RIN2: variants seen among roughly 807,000 people sequenced by gnomAD.
RIN2 encodes RAB5 interacting protein 2.
RIN2 carries 36 observed loss-of-function variants against 78.0 expected under a neutral mutation model. The ratio of observed to expected loss-of-function variants is 0.46; its 90% CI spans 0.35 to 0.61. The LOEUF is 0.61. Among genes scored for constraint, RIN2 ranks in the 20% least tolerant of loss-of-function variants. The pLI is 0.00. For missense variants in RIN2, 1,087 were observed against 1,159.7 expected (o/e 0.94, Z 0.91); for synonymous variants, 466 against 466.8 (o/e 1.00, Z 0.02).
At chr20:19,810,055 G>T (rs2035538455) in intron 2 of RIN2, among the ~76,000 whole-genome samples, 1 of 151,960 alleles carries the variant, frequency 6.6e-6, no homozygotes. Context: ...TTTCCTGAGT[G>T]GCCCTTTGGC....
chr20:19,850,883 A>G (rs969479026), intron 2 of RIN2, among the ~76,000 whole-genome samples: 1 of 152,286 alleles, frequency 6.6e-6, no homozygotes, highest in South Asian at 2.1e-4. Flanking sequence ...CTGAGGCAGG[A>G]GAATTGCTTG....
intron 2 of RIN2, chr20:19,809,548 G>C (rs974608166): frequency 1.2e-4 from 18 of 152,674 alleles, no homozygotes; most frequent in Admixed American, 1.0e-3. Context: ...ATGTCCTGAG[G>C]GGGAGACTGG....
intron 1 of RIN2, among the ~76,000 whole-genome samples, chr20:19,787,017 G>A (rs969058378): frequency 1.3e-5 from 2 of 152,140 alleles, no homozygotes; most frequent in African/African-American, 4.8e-5. Context: ...AGGACATAGG[G>A]ACTAAAAATG....
At chr20:19,806,789 T>C (rs2035422144) in intron 2 of RIN2, among the ~76,000 whole-genome samples, 1 of 152,122 alleles carries the variant, frequency 6.6e-6, no homozygotes, top group Non-Finnish European at 1.5e-5. Flanking sequence ...TCCTAGCTAA[T>C]AGGCAAGCTA....
intron 2 of RIN2, among the ~76,000 whole-genome samples, chr20:19,831,340 G>C (rs1037968330): frequency 6.6e-6 from 1 of 152,214 alleles, no homozygotes; most frequent in African/African-American, 2.4e-5. Flanking sequence ...TTAGTGGGAA[G>C]TACAGACATC....
intron 2 of RIN2, among the ~76,000 whole-genome samples, chr20:19,887,026 C>T (rs568808586): frequency 6.1e-5 from 9 of 146,632 alleles, no homozygotes; most frequent in Admixed American, 2.7e-4. Context: ...CCCTGAAGAA[C>T]TTTTTTTTTT....
intron 4 of RIN2, among the ~76,000 whole-genome samples, chr20:19,939,073 C>T (rs539330211): frequency 3.5e-4 from 54 of 152,322 alleles, no homozygotes; most frequent in Non-Finnish European, 1.5e-4. Context: ...GACAGAATCT[C>T]GCTCTGTTGC....
chr20:19,902,423 G>A (rs768275139), intron 3 of RIN2, among the ~76,000 whole-genome samples: 12 of 152,160 alleles, frequency 7.9e-5, no homozygotes, highest in Admixed American at 1.3e-4. Context: ...GTCCCTCACC[G>A]CTGTCCTTTG....
intron 9 of RIN2, among the ~76,000 whole-genome samples, chr20:19,976,909 G>A (rs2146328972): frequency 6.6e-6 from 1 of 152,124 alleles, no homozygotes; most frequent in East Asian, 1.9e-4. Context: ...TTCTCACAAA[G>A]GAATCAAAGC....
At position 19,975,542 on chromosome 20, in the gene RIN2, C is replaced by A. The variant is rs756704126; in HGVS notation, c.1517C>A (p.Ser506Tyr). Residue 506 changes from serine (S) to tyrosine (Y), a missense_variant, in exon 9 of 13, where the codon TCC (serine) becomes TAC (tyrosine). Physicochemically the swap from Ser to Tyr is moderately radical, Grantham distance 144. This residue lies in a region of RIN2 where 706 missense variants were observed against 667.5 expected (regional missense o/e 1.06). Coordinates refer to ENST00000255006, the MANE Select transcript of RIN2 (RefSeq NM_018993.4). The surrounding 1 kb of genome is among the most constrained non-coding windows in gnomAD (Gnocchi z 4.9). ...QLQKVSGVFS[S>Y]FMTPEKRMVR... ...CAGAAGGTGAGCGGGGTGTTCAGCT[C>A]CTTCATGACCCCGGAGAAGCGGATG... is the stretch of plus-strand genomic sequence containing the variant. 4 of 1,614,052 alleles carry A rather than the reference C, an allele frequency of 2.5e-6. No individual in the cohort carries two copies. In the East Asian group the frequency reaches 8.9e-5, roughly 36 times the overall value.
intron 2 of RIN2, among the ~76,000 whole-genome samples, chr20:19,863,293 AC>A (rs1406009458): frequency 1.3e-5 from 2 of 152,144 alleles, no homozygotes; most frequent in African/African-American, 4.8e-5. Context: ...TTAAGGGCTC[AC>A]CTGTCATAGA....
At chr20:19,952,190 AT>A (rs1456788180) in intron 4 of RIN2, among the ~76,000 whole-genome samples, 1 of 152,210 alleles carries the variant, frequency 6.6e-6, no homozygotes, top group Non-Finnish European at 1.5e-5. Context: ...TCCATCTCAC[AT>A]ATGTAGAAAG....
At chr20:19,970,057 A>G (rs2042057916) in intron 7 of RIN2, among the ~76,000 whole-genome samples, 1 of 152,182 alleles carries the variant, frequency 6.6e-6, no homozygotes, top group Admixed American at 6.5e-5. Flanking sequence ...TCTCTCTGCC[A>G]TGTGTGTTTG....
chr20:19,940,589 G>A (rs1027237312), intron 4 of RIN2, among the ~76,000 whole-genome samples: 5 of 152,196 alleles, frequency 3.3e-5, no homozygotes, highest in South Asian at 4.1e-4. Context: ...AGCCAGGGGC[G>A]AGACTGAGGG....
intron 3 of RIN2, among the ~76,000 whole-genome samples, chr20:19,925,449 A>C (rs2040189096): frequency 6.6e-6 from 1 of 152,246 alleles, no homozygotes; most frequent in African/African-American, 2.4e-5. Flanking sequence ...ACTTGGATAA[A>C]TTTGATTCTA....
In RIN2 at chr20:19,956,655, G is replaced by C; in HGVS notation, c.199G>C (p.Asp67His). 6.2e-7 allele frequency: 1 copy of C among 1,613,504 alleles called. No individual in the cohort carries two copies. Among genetic ancestry groups the C allele is most frequent in the Non-Finnish European group, 8.5e-7 (1 of 1,179,740 alleles). ...HKDGGYSEEE[D>H]VKTCARDSGY... ...GGATGGTGGCTATTCCGAGGAAGAGGACGTGAAGACCTGTGCCCGGGACTC... is the reference window on the plus strand; with the variant it reads ...GGATGGTGGCTATTCCGAGGAAGAGCACGTGAAGACCTGTGCCCGGGACTC... Residue 67 changes from aspartate (D) to histidine (H), a missense_variant, in exon 5 of 13, where the codon GAC becomes CAC. Physicochemically the swap from Asp to His is moderately conservative, Grantham distance 81. Around this residue, in one of 8 missense-constraint regions of RIN2, gnomAD observed 706 missense variants for 667.5 expected, o/e 1.06. Coordinates refer to ENST00000255006, the MANE Select transcript of RIN2 (RefSeq NM_018993.4).
intron 3 of RIN2, among the ~76,000 whole-genome samples, chr20:19,904,240 A>AATATATATATATATATATATAAAATATAT (rs1246243400): frequency 1.1e-5 from 1 of 91,694 alleles, no homozygotes; most frequent in Non-Finnish European, 3.0e-5. Context: ...TCAAAAAAAA[A>AATATATATATATATATATATAAAATATAT]ATATATATAT....
chr20:19,866,840 A>G (rs116461436), intron 2 of RIN2, among the ~76,000 whole-genome samples: 21,805 of 151,856 alleles, frequency 0.14, 1,686 homozygotes, highest in Middle Eastern at 0.21. Context: ...GACCAGGCTG[A>G]TCTCGATCTC....
intron 2 of RIN2, among the ~76,000 whole-genome samples, chr20:19,857,449 C>T (rs139377095): frequency 2.1e-4 from 32 of 152,186 alleles, no homozygotes; most frequent in African/African-American, 7.0e-4. Context: ...CATTTCTGTA[C>T]GTGTATCTTT....
Sources: gnomAD v4.1 joint callset for allele counts (sites outside exome capture counted in the v4.1 genomes callset) on GRCh38, gnomAD v4.1.1 for gene constraint, gnomAD v4.1.1 regional missense constraint, Gnocchi (gnomAD v3.1) non-coding constraint, MANE v1.5 for transcripts, NCBI Gene and HGNC (gene_info 2026-07-23, HGNC 2026-07-21) for gene names.